Variants in KIF24 observed in about 807,000 individuals in gnomAD.
The protein encoded by KIF24 is kinesin family member 24.
A neutral mutation model predicts 118.9 loss-of-function variants in KIF24; 81 were observed. That is an observed-to-expected ratio of 0.68 (90% CI 0.57 to 0.82). The LOEUF is 0.82. KIF24 is among the 40% of genes least tolerant of loss of function. The pLI, the probability that KIF24 is intolerant of heterozygous loss-of-function variation, is 0.00. For synonymous variants in KIF24, 599 were observed against 610.0 expected (o/e 0.98, Z 0.27); for missense variants, 1,560 against 1,661.6 (o/e 0.94, Z 1.06).
Position 34,311,241 on chromosome 9 carries a change from T to C in KIF24, c.106A>G (p.Thr36Ala), listed in dbSNP as rs1837133108. The part of the protein sequence containing the change: ...LQKIDELAKI[T>A]MKDYSKLGVH... ...CCTAATTTGGAGTAGTCCTTCATTG[T>C]AATCTTGGCTAATTCATCTATTTTC... Residue 36 changes from threonine to alanine, a missense_variant, in exon 2 of 13, where the codon ACA (threonine) becomes GCA (alanine). This residue lies in a region of KIF24 where 964 missense variants were observed against 988.0 expected (regional missense o/e 0.98). Coordinates refer to ENST00000402558, the MANE Select transcript of KIF24 (RefSeq NM_194313.4). 3.1e-6 allele frequency: 5 copies of C among 1,612,714 alleles called. No homozygotes were observed. The East Asian group carries it at 8.9e-5, about 29-fold the overall frequency.
intron 6 of KIF24, among the ~76,000 whole-genome samples, chr9:34,279,626 G>A (rs1290002215): frequency 6.6e-6 from 1 of 152,238 alleles, no homozygotes; most frequent in Non-Finnish European, 1.5e-5. Flanking sequence ...TTTGAATAAT[G>A]AAGCTACCAG....
At position 34,286,289 on chromosome 9, in the gene KIF24, G is replaced by A. The variant is rs552742448; in HGVS notation, c.1215+328C>T. ...GCAGAGGTTGCAGTGAGCAGAGATT[G>A]TGCCATTGCACTCCAGGTTGGGTGA... On this transcript the variant is annotated intron_variant, in intron 6 of 12. Coordinates refer to ENST00000402558, the MANE Select transcript of KIF24 (RefSeq NM_194313.4). 9.8e-5 allele frequency among the ~76,000 whole-genome samples: 15 copies of A among 152,288 alleles called. No individual in the cohort carries two copies. In the South Asian group the frequency reaches 3.1e-3, roughly 32 times the overall value.
chr9:34,329,961 A>C (rs116060961), upstream of KIF24, among the ~76,000 whole-genome samples: 91 of 152,352 alleles, frequency 6.0e-4, no homozygotes, highest in African/African-American at 2.1e-3. Flanking sequence ...GTTGCTACCC[A>C]TTAAACCCCG....
chr9:34,281,558 A>C (rs1206931690), intron 6 of KIF24, among the ~76,000 whole-genome samples: 1 of 152,212 alleles, frequency 6.6e-6, no homozygotes, highest in Non-Finnish European at 1.5e-5. Flanking sequence ...ATTTGCAAAA[A>C]CCTCTAACAA....
chr9:34,306,294 A>G lies in KIF24; in HGVS notation c.771T>C (p.His257=), dbSNP rs1246790546. The change falls in exon 3 of 13, where the codon CAT becomes CAC. Residue 257 remains histidine (H), a synonymous_variant. Transcript: ENST00000402558. ...TGAGGTCAACTGCTTCTTTCTTCTC[A>G]TGCACAAGTAGAGTTTCTTTGTCTT... ...TVEDKETLLV[H]EKKEAVDLTQ... is the part of the protein sequence containing the mutation. 43 of 1,610,200 alleles carry G rather than the reference A, an allele frequency of 2.7e-5. No individual in the cohort carries two copies. Among genetic ancestry groups the G allele is most frequent in the Non-Finnish European group, 3.6e-5 (42 of 1,177,540 alleles).
chr9:34,302,433 A>G (rs918189643), intron 3 of KIF24, among the ~76,000 whole-genome samples: 2 of 150,658 alleles, frequency 1.3e-5, no homozygotes, highest in Non-Finnish European at 3.0e-5. Context: ...CCTCCCGAGT[A>G]GCTGAAACTA....
Position 34,319,260 on chromosome 9 carries a change from C to T in KIF24, c.-25-7889G>A, listed in dbSNP as rs1384390777. ...CTCGAGGCCTTAAAAAGCTGGTAAC[C>T]AAAGAGCAGCTGAAGATCTGGATGG... On this transcript the variant is annotated intron_variant, in intron 1 of 12. Coordinates refer to ENST00000402558, the MANE Select transcript of KIF24 (RefSeq NM_194313.4). 7.4e-6 allele frequency: 9 copies of T among 1,216,546 alleles called. No homozygotes were observed. In the Admixed American group the frequency reaches 1.0e-4, roughly 14 times the overall value. The allele number at this position is 1,216,546 out of a possible 1,614,324, so 75.4% of individuals were successfully genotyped here.
chr9:34,272,000 T>A, intron 6 of KIF24, 70 bp from the exon 7 acceptor site: 1 of 1,432,016 alleles, frequency 7.0e-7, no homozygotes, highest in East Asian at 2.5e-5. Flanking sequence ...AAGAGTTGGC[T>A]AAGAGCAGTA....
upstream of KIF24, among the ~76,000 whole-genome samples, chr9:34,330,664 C>A (rs767436709): frequency 4.6e-5 from 7 of 152,154 alleles, no homozygotes; most frequent in Non-Finnish European, 8.8e-5. Context: ...GTAGTAACTT[C>A]TTAAAAAATG....
At chr9:34,269,021 T>C (rs1182950090) in intron 8 of KIF24, among the ~76,000 whole-genome samples, 7 of 152,222 alleles carry the variant, frequency 4.6e-5, no homozygotes, top group Non-Finnish European at 7.3e-5. Context: ...AATACTTCTG[T>C]TCCTAATTGG....
At chr9:34,268,867 T>C (rs1835394338) in intron 8 of KIF24, among the ~76,000 whole-genome samples, 1 of 152,230 alleles carries the variant, frequency 6.6e-6, no homozygotes, top group South Asian at 2.1e-4. Context: ...ATTTTTCATA[T>C]GTTGGTAACT....
chr9:34,298,762 G>C (rs555557502), intron 3 of KIF24, among the ~76,000 whole-genome samples: 2 of 152,058 alleles, frequency 1.3e-5, no homozygotes, highest in African/African-American at 4.8e-5. Context: ...TGAGAACAGA[G>C]ACACTAGTAA....
At chr9:34,327,527 A>T (rs1837706563) in intron 1 of KIF24, among the ~76,000 whole-genome samples, 1 of 152,176 alleles carries the variant, frequency 6.6e-6, no homozygotes, top group African/African-American at 2.4e-5. Flanking sequence ...GAAAAATGTA[A>T]TATGCATATA....
chr9:34,301,859 T>C (rs565037274), intron 3 of KIF24, among the ~76,000 whole-genome samples: 2 of 151,654 alleles, frequency 1.3e-5, no homozygotes, highest in South Asian at 4.2e-4. Flanking sequence ...AAACCAAAAT[T>C]ACAATAGAGA....
chr9:34,254,972 A>AC, intron 12 of KIF24, 100 bp downstream of exon 12: 1 of 775,668 alleles, frequency 1.3e-6, no homozygotes, highest in Non-Finnish European at 2.2e-6. Flanking sequence ...GTGCCAGGAG[A>AC]CCCTTTCCCC....
intron 1 of KIF24, among the ~76,000 whole-genome samples, chr9:34,312,771 T>G (rs1271939521): frequency 1.6e-4 from 24 of 152,166 alleles, no homozygotes; most frequent in Admixed American, 1.6e-3. Flanking sequence ...GTATCTTGGC[T>G]CACTGCAACT....
At chr9:34,294,027 T>C (rs1279505084) in intron 4 of KIF24, among the ~76,000 whole-genome samples, 4 of 152,276 alleles carry the variant, frequency 2.6e-5, no homozygotes, top group East Asian at 1.9e-4. Context: ...TGGAGTGTAG[T>C]GATCACAGAT....
chr9:34,298,418 C>T (rs1036506109), intron 3 of KIF24, among the ~76,000 whole-genome samples: 9 of 151,802 alleles, frequency 5.9e-5, no homozygotes, highest in South Asian at 2.1e-4. Flanking sequence ...TGGTGGTGGG[C>T]GCCTGTAATC....
chr9:34,323,440 G>GTATT (rs1343210436), intron 1 of KIF24, among the ~76,000 whole-genome samples: 1 of 152,160 alleles, frequency 6.6e-6, no homozygotes, highest in Non-Finnish European at 1.5e-5. Flanking sequence ...CCAGTGCCAA[G>GTATT]TATTACTTTC....
Sources: gnomAD v4.1 joint callset for allele counts (sites outside exome capture counted in the v4.1 genomes callset) on GRCh38, gnomAD v4.1.1 for gene constraint, gnomAD v4.1.1 regional missense constraint, MANE v1.5 for transcripts, NCBI Gene and HGNC (gene_info 2026-07-23, HGNC 2026-07-21) for gene names.